The following AKAP12 variants were observed in gnomAD, a reference collection of about 807,000 sequenced individuals.
AKAP12 encodes A-kinase anchor protein 12.
Under a neutral mutation model 79.9 loss-of-function variants are expected in AKAP12, and 32 were observed. The observed-to-expected ratio is 0.40, with a 90% CI of 0.30 to 0.54. The LOEUF is 0.54. AKAP12 is among the 20% of genes least tolerant of loss of function. The pLI, the probability that AKAP12 is intolerant of heterozygous loss-of-function variation, is 0.48. For missense variants in AKAP12, 2,074 were observed against 2,177.0 expected (o/e 0.95, Z 0.94); for synonymous variants, 808 against 857.0 (o/e 0.94, Z 1.00).
chr6:151,266,251 A>G (rs1562713177), intron 2 of AKAP12, among the ~76,000 whole-genome samples: 1 of 152,226 alleles, frequency 6.6e-6, no homozygotes, highest in Non-Finnish European at 1.5e-5. Flanking sequence ...GCTGGATCAC[A>G]TATTTTTCTC....
chr6:151,297,696 A>C (rs113208098), intron 2 of AKAP12, among the ~76,000 whole-genome samples: 1 of 151,926 alleles, frequency 6.6e-6, no homozygotes, highest in African/African-American at 2.4e-5. Flanking sequence ...GCCCCGTGTG[A>C]ATGTGTGTCC....
chr6:151,354,084 T>C (rs1778375925), intron 4 of AKAP12, among the ~76,000 whole-genome samples: 1 of 152,048 alleles, frequency 6.6e-6, no homozygotes, highest in Non-Finnish European at 1.5e-5. Context: ...CTCAACTATC[T>C]TGTTGAGTTT....
chr6:151,314,869 A>G (rs1186247073), intron 3 of AKAP12, among the ~76,000 whole-genome samples: 1 of 152,116 alleles, frequency 6.6e-6, no homozygotes, highest in Non-Finnish European at 1.5e-5. Flanking sequence ...CCTGGGCAAC[A>G]TAGTGAAACC....
rs921775920 is a variant in AKAP12, at chr6:151,349,988, C to G, written c.1597C>G (p.Gln533Glu). The change falls in exon 4 of 5, where the codon CAG becomes GAG. Residue 533 changes from glutamine (Q) to glutamate (E), a missense_variant. Physicochemically the swap from Gln to Glu is conservative, Grantham distance 29 (BLOSUM62 2). Transcript: ENST00000402676. ...TGLKKLSGKK[Q>E]KGKRGGGDEE... ...CTTAAAAAAGCTTTCTGGAAAGAAA[C>G]AGAAAGGGAAAAGAGGAGGAGGAGA... 1 of 1,613,830 alleles carries G rather than the reference C, an allele frequency of 6.2e-7. No homozygotes were observed.
intron 2 of AKAP12, among the ~76,000 whole-genome samples, chr6:151,286,206 G>A (rs1250087678): frequency 6.6e-6 from 1 of 152,206 alleles, no homozygotes; most frequent in Non-Finnish European, 1.5e-5. Flanking sequence ...CAATTTGAGA[G>A]TGAGTCATTG....
intron 2 of AKAP12, among the ~76,000 whole-genome samples, chr6:151,303,014 G>A (rs72996032): frequency 0.15 from 22,004 of 151,688 alleles, 1,809 homozygotes; most frequent in Middle Eastern, 0.23. Context: ...TGGCCAACAC[G>A]AAATCCCGTC....
chr6:151,292,475 C>T (rs1776642527), intron 2 of AKAP12, among the ~76,000 whole-genome samples: 1 of 152,208 alleles, frequency 6.6e-6, no homozygotes, highest in Non-Finnish European at 1.5e-5. Context: ...GACCCTCCCA[C>T]CCCTGTTGGT....
intron 3 of AKAP12, among the ~76,000 whole-genome samples, chr6:151,321,903 G>GTTT (rs11415941): frequency 0.034 from 2,289 of 67,034 alleles, 203 homozygotes; most frequent in African/African-American, 0.074. Context: ...TCAGCTTTAT[G>GTTT]TTTTTTTTTT....
At chr6:151,292,759 G>C (rs898802429) in intron 2 of AKAP12, among the ~76,000 whole-genome samples, 2 of 152,250 alleles carry the variant, frequency 1.3e-5, no homozygotes, top group African/African-American at 4.8e-5. Flanking sequence ...CCTGCAAGGC[G>C]TGTTGATGTG....
At chr6:151,278,913 T>C (rs7774916) in intron 2 of AKAP12, among the ~76,000 whole-genome samples, 46,949 of 151,494 alleles carry the variant, frequency 0.31, 7,523 homozygotes, top group African/African-American at 0.38. Flanking sequence ...GTGATCCGCC[T>C]GCCCCGGCCT....
At position 151,352,602 on chromosome 6, in the gene AKAP12, A is replaced by C. The variant is rs1778327037; in HGVS notation, c.4211A>C (p.Glu1404Ala). The change falls in exon 4 of 5, where the codon GAG (glutamate) becomes GCG (alanine). Residue 1404 changes from glutamate (E) to alanine (A), a missense_variant. Physicochemically the swap from Glu to Ala is moderately radical, Grantham distance 107. This residue lies in a region of AKAP12 where 614 missense variants were observed against 665.6 expected (regional missense o/e 0.92). Transcript: ENST00000402676. ...GSPPPCLGQE[E>A]AVCTKIQVQS... ...CCTCCTCCCTGCCTAGGTCAAGAGG[A>C]GGCAGTATGCACCAAAATTCAAGTT... 1 of 1,614,186 alleles carries C rather than the reference A, an allele frequency of 6.2e-7. No homozygotes were observed. The highest frequency in any genetic ancestry group is 1.1e-5 in the South Asian group (1 of 91,084).
chr6:151,277,944 ATGTGTGTGTGTG>A (rs10524824), intron 2 of AKAP12, among the ~76,000 whole-genome samples: 6 of 148,316 alleles, frequency 4.0e-5, no homozygotes, highest in African/African-American at 1.2e-4. Flanking sequence ...TAATAGGTTT[ATGTGTGTGTGTG>A]TGTGTGTGTG....
chr6:151,244,898 C>T (rs375174627), intron 2 of AKAP12, among the ~76,000 whole-genome samples: 2 of 152,290 alleles, frequency 1.3e-5, no homozygotes, highest in East Asian at 1.9e-4. Flanking sequence ...AAATCCATTA[C>T]AGCTTATAGG....
chr6:151,350,575 C>G lies in AKAP12; in HGVS notation c.2184C>G (p.Ile728Met), dbSNP rs1395873987. ...GKDKETGTDG[I>M]LAGSQEHDPG... The stretch of plus-strand genomic sequence containing the variant: ...ACAAAGAGACGGGGACAGACGGGAT[C>G]CTTGCTGGTTCCCAAGAACATGATC... Residue 728 changes from isoleucine to methionine, a missense_variant, in exon 4 of 5, where the codon ATC (isoleucine) becomes ATG (methionine). Ile to Met is a conservative substitution (Grantham distance 10). Transcript: ENST00000402676. The surrounding 1 kb of genome is among the most constrained non-coding windows in gnomAD (Gnocchi z 4.8). 1 of 1,613,958 alleles carries G rather than the reference C, an allele frequency of 6.2e-7. No homozygotes were observed. The highest frequency in any genetic ancestry group is 1.3e-5 in the African/African-American group (1 of 74,882).
chr6:151,332,034 T>G (rs887560567), intron 3 of AKAP12, among the ~76,000 whole-genome samples: 3 of 100,580 alleles, frequency 3.0e-5, no homozygotes, highest in Admixed American at 2.2e-4. Context: ...TCTGGGTCTG[T>G]TTTTTTTTTT....
intron 2 of AKAP12, among the ~76,000 whole-genome samples, chr6:151,261,782 A>C (rs1195395406): frequency 7.1e-6 from 1 of 141,562 alleles, no homozygotes. Context: ...TATGAGATGG[A>C]GTTTCACTCT....
Position 151,350,143 on chromosome 6 carries a change from C to T in AKAP12, c.1752C>T (p.Ala584=), listed in dbSNP as rs1214335132. 9 of 1,613,698 alleles carry T rather than the reference C, an allele frequency of 5.6e-6. No homozygotes were observed. The highest frequency in any genetic ancestry group is 1.7e-5 in the Admixed American group (1 of 59,976). ...EEITCLEKGL[A]EVQQDGEAEE... ...TCACGTGTCTGGAAAAGGGCTTAGC[C>T]GAGGTGCAGCAGGATGGGGAAGCTG... Residue 584 remains alanine (A), a synonymous_variant, in exon 4 of 5, where the codon GCC becomes GCT. Coordinates refer to ENST00000402676, the MANE Select transcript of AKAP12 (RefSeq NM_005100.4). The surrounding 1 kb of genome is among the most constrained non-coding windows in gnomAD (Gnocchi z 4.8).
At chr6:151,279,132 CTGCT>C (rs1343817297) in intron 2 of AKAP12, among the ~76,000 whole-genome samples, 1 of 152,172 alleles carries the variant, frequency 6.6e-6, no homozygotes, top group Non-Finnish European at 1.5e-5. Context: ...ACTGCCTACA[CTGCT>C]TGAGTGGCCT....
At chr6:151,257,600 C>T (rs1797327493) in intron 2 of AKAP12, among the ~76,000 whole-genome samples, 1 of 152,232 alleles carries the variant, frequency 6.6e-6, no homozygotes. Flanking sequence ...CCCAGCCTAG[C>T]TCCCACTTAC....
Sources: gnomAD v4.1 joint callset for allele counts (sites outside exome capture counted in the v4.1 genomes callset) on GRCh38, gnomAD v4.1.1 for gene constraint, gnomAD v4.1.1 regional missense constraint, Gnocchi (gnomAD v3.1) non-coding constraint, MANE v1.5 for transcripts, NCBI Gene and HGNC (gene_info 2026-07-23, HGNC 2026-07-21) for gene names.